DYRK4: variants seen among roughly 807,000 people sequenced by gnomAD.
The protein encoded by DYRK4 is dual specificity tyrosine-phosphorylation-regulated kinase 4.
In DYRK4, 64 loss-of-function variants were observed where a neutral mutation model predicts 68.3. The ratio of observed to expected loss-of-function variants is 0.94; its 90% CI spans 0.77 to 1.15. DYRK4 has a LOEUF of 1.15. Among genes scored for constraint, DYRK4 ranks in the 50% most tolerant of loss-of-function variants. The pLI is 0.00. For missense variants in DYRK4, 740 were observed against 764.7 expected (o/e 0.97, Z 0.38); for synonymous variants, 274 against 289.9 (o/e 0.95, Z 0.56).
intron 8 of DYRK4, 143 bp downstream of exon 8, chr12:4,596,872 C>T: frequency 6.7e-7 from 1 of 1,495,186 alleles, no homozygotes. Flanking sequence ...ATCCAGAATG[C>T]CCAGGAGCAA....
intron 13 of DYRK4, among the ~76,000 whole-genome samples, 196 bp from the exon 14 acceptor site, chr12:4,612,347 C>T (rs775768641): frequency 3.9e-5 from 6 of 152,220 alleles, no homozygotes; most frequent in Non-Finnish European, 8.8e-5. Context: ...TTGTTATACA[C>T]ATCTTCTAAA....
At chr12:4,582,301 A>G (rs1944850611) in intron 2 of DYRK4, among the ~76,000 whole-genome samples, 1 of 152,132 alleles carries the variant, frequency 6.6e-6, no homozygotes, top group East Asian at 1.9e-4. Context: ...AAAATTAGCC[A>G]GGCGTGGTGG....
intron 10 of DYRK4, chr12:4,603,187 TG>T (rs2137391356): frequency 8.2e-7 from 1 of 1,218,688 alleles, no homozygotes; most frequent in African/African-American, 1.5e-5. Flanking sequence ...CATTTCTTCT[TG>T]GTGAGACCTC....
chr12:4,612,018 C>G (rs1945227432), intron 13 of DYRK4, among the ~76,000 whole-genome samples: 1 of 152,156 alleles, frequency 6.6e-6, no homozygotes, highest in South Asian at 2.1e-4. Context: ...GAGTTAGTAT[C>G]TTGTCACTGA....
chr12:4,590,792 T>C, intron 4 of DYRK4: 1 of 386,738 alleles, frequency 2.6e-6, no homozygotes, highest in Non-Finnish European at 4.5e-6. Flanking sequence ...AGGTGCCAAC[T>C]GAAAGAGGCG....
chr12:4,609,439 A>G (rs528776303), intron 12 of DYRK4, among the ~76,000 whole-genome samples: 15 of 152,284 alleles, frequency 9.9e-5, no homozygotes, highest in Admixed American at 3.9e-4. Context: ...TGTCCACTTC[A>G]GTTCTTGACT....
chr12:4,566,613 T>C (rs1389706709), intron 1 of DYRK4, among the ~76,000 whole-genome samples: 1 of 152,242 alleles, frequency 6.6e-6, no homozygotes, highest in Non-Finnish European at 1.5e-5. Flanking sequence ...CTTTCTTCTA[T>C]GTACCTCCTT....
chr12:4,594,380 C>T (rs778969211), intron 6 of DYRK4, among the ~76,000 whole-genome samples: 11 of 152,118 alleles, frequency 7.2e-5, no homozygotes, highest in Admixed American at 2.6e-4. Context: ...CCCGCCACCA[C>T]GCCTGGCTGA....
In DYRK4 at chr12:4,599,155, G is replaced by A. The variant is rs772286301; in HGVS notation, c.1033G>A (p.Asp345Asn). 11 of 1,613,506 alleles carry A rather than the reference G, an allele frequency of 6.8e-6. No homozygotes were observed. The highest frequency in any genetic ancestry group is 1.3e-5 in the African/African-American group (1 of 74,766). Residue 345 changes from aspartate (D) to asparagine (N), a missense_variant, in exon 9 of 15, where the codon GAT becomes AAT. Coordinates refer to ENST00000543431, the MANE Select transcript of DYRK4 (RefSeq NM_001394779.1). The stretch of plus-strand genomic sequence containing the variant: ...TTCGGTAGAGAAAATCATTCACTGT[G>A]ATCTCAAGCCCGTGAGTACCATCTC... ...MLSVEKIIHC[D>N]LKPENIVLYQ... is the part of the protein sequence containing the mutation.
At chr12:4,596,496 G>A in intron 7 of DYRK4, 93 bp from the exon 8 acceptor site, 1 of 1,531,272 alleles carries the variant, frequency 6.5e-7, no homozygotes, top group Non-Finnish European at 8.7e-7. Flanking sequence ...GTCTTGTTGG[G>A]GTCATGGGGA....
intron 2 of DYRK4, among the ~76,000 whole-genome samples, chr12:4,575,987 A>G (rs1944785283): frequency 6.6e-6 from 1 of 152,344 alleles, no homozygotes; most frequent in African/African-American, 2.4e-5. Context: ...ACATTCATGT[A>G]TAGTTGGCAC....
intron 12 of DYRK4, 77 bp from the exon 13 acceptor site, chr12:4,610,078 C>T (rs1945200734): frequency 1.5e-6 from 2 of 1,354,940 alleles, no homozygotes; most frequent in Admixed American, 5.2e-5. Flanking sequence ...GCTACAGAGG[C>T]CACTCTAAGC....
chr12:4,571,366 G>A (rs747455969), intron 2 of DYRK4, among the ~76,000 whole-genome samples: 11 of 152,146 alleles, frequency 7.2e-5, no homozygotes, highest in Non-Finnish European at 1.2e-4. Context: ...TTAGAGAGGC[G>A]TTCCTTCCCC....
chr12:4,588,685 A>G (rs1360018907), intron 2 of DYRK4, among the ~76,000 whole-genome samples: 1 of 152,148 alleles, frequency 6.6e-6, no homozygotes, highest in Non-Finnish European at 1.5e-5. Flanking sequence ...GGCCATATTG[A>G]TTTTTTTTAA....
intron 3 of DYRK4, 67 bp downstream of exon 3, chr12:4,589,084 T>C: frequency 2.1e-6 from 3 of 1,455,306 alleles, no homozygotes; most frequent in Middle Eastern, 3.5e-4. Flanking sequence ...CCAGGGTAGC[T>C]TTGAACAGAC....
At chr12:4,574,620 T>C (rs967350960) in intron 2 of DYRK4, among the ~76,000 whole-genome samples, 1 of 152,234 alleles carries the variant, frequency 6.6e-6, no homozygotes, top group African/African-American at 2.4e-5. Context: ...CTCAATTAAC[T>C]TAACTACCAT....
In DYRK4 at chr12:4,588,855, G is replaced by A. The variant is rs1210103110; in HGVS notation, c.133-82G>A. On this transcript the variant is annotated intron_variant, in intron 2 of 14. Transcript: ENST00000543431. ...GGAGAGCTGGCCTCAAGCATAGTTT[G>A]TTTATTGTAATGTAACAAAAATATA... is the stretch of plus-strand genomic sequence containing the variant. The A allele has an allele frequency of 4.3e-6, 6 of 1,379,400 alleles. No individual in the cohort carries two copies. The African/African-American group carries it at 5.7e-5, about 13-fold the overall frequency. 85.4% of individuals were successfully genotyped at this position (1,379,400 alleles called of 1,614,324 possible).
At chr12:4,562,582 C>T (rs1432770585) in intron 1 of DYRK4, among the ~76,000 whole-genome samples, 1 of 152,256 alleles carries the variant, frequency 6.6e-6, no homozygotes, top group Non-Finnish European at 1.5e-5. Context: ...TTCTGAGGAA[C>T]TCAGCAGACC....
chr12:4,608,203 A>T (rs1945176012), intron 12 of DYRK4, among the ~76,000 whole-genome samples: 1 of 152,196 alleles, frequency 6.6e-6, no homozygotes, highest in South Asian at 2.1e-4. Context: ...GCTGAAGGTC[A>T]GCAAAGTGGA....
Sources: gnomAD v4.1 joint callset for allele counts (sites outside exome capture counted in the v4.1 genomes callset) on GRCh38, gnomAD v4.1.1 for gene constraint, MANE v1.5 for transcripts, NCBI Gene and HGNC (gene_info 2026-07-23, HGNC 2026-07-21) for gene names.